The following ZNF335 variants were observed in gnomAD, a reference collection of about 807,000 sequenced individuals.
ZNF335 encodes the protein zinc finger protein 335.
A neutral mutation model predicts 145.6 loss-of-function variants in ZNF335; 84 were observed. That is an observed-to-expected ratio of 0.58 (90% confidence interval 0.48 to 0.69). The LOEUF (loss-of-function observed/expected upper bound fraction) is 0.69. Among genes scored for constraint, ZNF335 ranks in the 30% least tolerant of loss-of-function variants. The pLI is 0.00. For missense variants in ZNF335, 1,865 were observed against 1,809.7 expected, an observed-to-expected ratio of 1.03 and a Z score of -0.55; for synonymous variants, 761 against 717.0, an observed-to-expected ratio of 1.06 and a Z score of -0.98.
At chr20:45,950,672 C>T in intron 20 of ZNF335, 77 bp from the exon 21 acceptor site, 1 of 1,581,192 alleles carries the variant, frequency 6.3e-7, no homozygotes, top group Non-Finnish European at 8.6e-7. Context: ...CTGCTGACAG[C>T]TGGTCAGGGA....
chr20:45,955,165 A>G (rs1178539017), intron 17 of ZNF335, among the ~76,000 whole-genome samples: 1 of 151,828 alleles, frequency 6.6e-6, no homozygotes, highest in Non-Finnish European at 1.5e-5. Flanking sequence ...CCTGCTTAAC[A>G]TGGTGAAACC....
In ZNF335 at chr20:45,957,924, G is replaced by T. The variant is rs529181356; in HGVS notation, c.2258C>A (p.Pro753His). 6.2e-6 allele frequency: 10 copies of T among 1,613,996 alleles called. No homozygotes were observed. In the African/African-American group the frequency reaches 8.0e-5, roughly 13 times the overall value. Residue 753 changes from proline to histidine, a missense_variant, in exon 16 of 28, where the codon CCC (proline) becomes CAC (histidine). Physicochemically the swap from Pro to His is moderately conservative, Grantham distance 77. Coordinates refer to ENST00000322927, the MANE Select transcript of ZNF335 (RefSeq NM_022095.4). ...TGACTGGAAAGTTGTCGCCTCTGGG[G>T]GTATCTATGGGGTGGAGATATGGCC... is the stretch of plus-strand genomic sequence containing the variant. ...PPSSPGPPEI[P>H]PEATTFQSSE...
rs199651013 is a variant in ZNF335 at position 45,952,360 on chromosome 20, T to C, written c.2976A>G (p.Ser992=). Residue 992 remains serine (S), a synonymous_variant, in exon 20 of 28, where the codon TCA becomes TCG. Transcript: ENST00000322927. ...CCAGGGCTTTGCTGGTTGCAGGAGGTGAGGAGGCAGAGCTCTGGGAGTCCC... is the reference window on the plus strand; with the variant it reads ...CCAGGGCTTTGCTGGTTGCAGGAGGCGAGGAGGCAGAGCTCTGGGAGTCCC... The part of the protein sequence containing the change: ...CVGDSQSSAS[S]PPATSKALGL... 5 of 1,611,444 alleles carry C rather than the reference T, an allele frequency of 3.1e-6. No homozygotes were observed. In the East Asian group the frequency reaches 1.1e-4, roughly 36 times the overall value.
chr20:45,969,820 T>C, intron 2 of ZNF335, 129 bp from the exon 3 acceptor site: 1 of 1,310,356 alleles, frequency 7.6e-7, no homozygotes, highest in Non-Finnish European at 1.0e-6. Flanking sequence ...ACTCATGCCC[T>C]CAGCCCCACG....
chr20:45,954,047 A>T, intron 17 of ZNF335, 99 bp from the exon 18 acceptor site: 2 of 1,403,242 alleles, frequency 1.4e-6, no homozygotes, highest in South Asian at 2.8e-5. Context: ...GCACCCACAC[A>T]CTCTAGTCAG....
chr20:45,966,006 C>T (rs1218191286), intron 6 of ZNF335, among the ~76,000 whole-genome samples: 1 of 152,128 alleles, frequency 6.6e-6, no homozygotes, highest in Non-Finnish European at 1.5e-5. Flanking sequence ...CATAAAGCAC[C>T]TTCATGTGAA....
rs1568830675 is a variant in ZNF335 at position 45,969,565 on chromosome 20, T to C, written c.328A>G (p.Ser110Gly). The C allele has an allele frequency of 6.2e-7, 1 of 1,602,792 alleles. No homozygotes were observed. The highest frequency in any genetic ancestry group is 8.5e-7 in the Non-Finnish European group (1 of 1,171,170). Residue 110 changes from serine to glycine, a missense_variant, in exon 3 of 28, where the codon AGT becomes GGT. Ser to Gly is a moderately conservative substitution (Grantham distance 56). Transcript: ENST00000322927. ...TGGPPALVHS[S>G]ALPDPNMLVS... ...AGCATGTTGGGGTCTGGGAGTGCAC[T>C]AGAGTGCACAAGTGCTGGGGGACCG...
intron 1 of ZNF335, chr20:45,971,749 C>A (rs971175267): frequency 1.4e-5 from 14 of 985,478 alleles, no homozygotes; most frequent in Non-Finnish European, 1.6e-5. Context: ...GAGCCCCATC[C>A]GGGCCCAGTG....
Position 45,949,468 on chromosome 20 carries a change from T to A in ZNF335, c.3753+17A>T, listed in dbSNP as rs745862092. On this transcript the variant is annotated intron_variant, in intron 25 of 27. Transcript: ENST00000322927. ...AGCCCTTCACCACACAGCACCCTCA[T>A]CCCAGGTCTGGCCTACCTGGATGTG... 2.2e-5 allele frequency: 35 copies of A among 1,613,792 alleles called. No homozygotes were observed. In the South Asian group the frequency reaches 3.1e-4, roughly 14 times the overall value.
chr20:45,971,775 C>T, intron 1 of ZNF335: 1 of 985,422 alleles, frequency 1.0e-6, no homozygotes, highest in Non-Finnish European at 1.2e-6. Flanking sequence ...GCCCTTCGGC[C>T]CCCGCGTCCC....
intron 2 of ZNF335, 78 bp downstream of exon 2, chr20:45,971,132 G>A: frequency 6.9e-7 from 1 of 1,444,026 alleles, no homozygotes; most frequent in Non-Finnish European, 9.1e-7. Context: ...CTACAAACAA[G>A]CCTTGTTTCC....
chr20:45,953,508 A>AG (rs1396384104), intron 18 of ZNF335, among the ~76,000 whole-genome samples, 181 bp downstream of exon 18: 2 of 152,208 alleles, frequency 1.3e-5, no homozygotes, highest in Non-Finnish European at 2.9e-5. Context: ...TGCTTGGAAT[A>AG]TCTAAGTGGC....
chr20:45,970,963 C>T (rs1197616626), intron 2 of ZNF335, among the ~76,000 whole-genome samples: 1 of 152,108 alleles, frequency 6.6e-6, no homozygotes, highest in Non-Finnish European at 1.5e-5. Context: ...AGATTTGAAT[C>T]CTGGCTCTGT....
intron 6 of ZNF335, among the ~76,000 whole-genome samples, chr20:45,966,562 T>A (rs531538533): frequency 1.3e-5 from 2 of 151,406 alleles, no homozygotes; most frequent in South Asian, 4.2e-4. Context: ...TTTTTTTTTT[T>A]TTTTCTGAGA....
chr20:45,969,829 C>T (rs758357544), intron 2 of ZNF335, 138 bp from the exon 3 acceptor site: 24 of 1,208,330 alleles, frequency 2.0e-5, no homozygotes, highest in Admixed American at 5.4e-5. Flanking sequence ...CTCAGCCCCA[C>T]GGAGGACCAG....
At position 45,952,699 on chromosome 20, in the gene ZNF335, C is replaced by T. The variant is rs752532863; in HGVS notation, c.2713G>A (p.Ala905Thr). The change falls in exon 19 of 28, where the codon GCA becomes ACA. Residue 905 changes from alanine to threonine, a missense_variant. Ala to Thr is a moderately conservative substitution (Grantham distance 58). Transcript: ENST00000322927. ...ACCACAGCCTGGGCTGCCTCTCCTGCGGGCTCCTCGCTGTGGGCATGGAGA... is the reference window on the plus strand; with the variant it reads ...ACCACAGCCTGGGCTGCCTCTCCTGTGGGCTCCTCGCTGTGGGCATGGAGA... ...APGTPYSEEP[A>T]GEAAQAVVVS... 31 of 1,613,470 alleles carry T rather than the reference C, an allele frequency of 1.9e-5. No individual in the cohort carries two copies. Among genetic ancestry groups the T allele is most frequent in the Non-Finnish European group, 2.5e-5 (29 of 1,179,958 alleles).
intron 2 of ZNF335, 36 bp from the exon 3 acceptor site, chr20:45,969,727 C>T (rs755378445): frequency 1.9e-6 from 3 of 1,603,316 alleles, no homozygotes; most frequent in East Asian, 2.2e-5. Flanking sequence ...AAAAGTTTAG[C>T]AGCTGGGTAT....
At position 45,957,626 on chromosome 20, in the gene ZNF335, T is replaced by C; in HGVS notation, c.2402A>G (p.Asn801Ser). Residue 801 changes from asparagine to serine, a missense_variant, in exon 17 of 28, where the codon AAC becomes AGC. Transcript: ENST00000322927. ...ATQTALDLLL[N>S]MSAQRELGGT... The stretch of plus-strand genomic sequence containing the variant: ...CCCCAGTTCCCGCTGAGCACTCATG[T>C]TCAGCAGAAGATCCAAGGCTGTCTG... The C allele has an allele frequency of 6.2e-7, 1 of 1,614,178 alleles. No individual in the cohort carries two copies. Among genetic ancestry groups the C allele is most frequent in the Non-Finnish European group, 8.5e-7 (1 of 1,180,034 alleles).
At chr20:45,956,522 C>T (rs995897395) in intron 17 of ZNF335, among the ~76,000 whole-genome samples, 1 of 152,184 alleles carries the variant, frequency 6.6e-6, no homozygotes, top group African/African-American at 2.4e-5. Flanking sequence ...GCCACCACGC[C>T]AGGCCCATTT....
Sources: allele counts gnomAD v4.1 joint callset (sites outside exome capture counted in the v4.1 genomes callset), GRCh38; gene constraint gnomAD v4.1.1; transcripts MANE v1.5; gene names NCBI Gene and HGNC (gene_info 2026-07-23, HGNC 2026-07-21).